Variants in CSNK1G3 observed in about 807,000 individuals in gnomAD.
CSNK1G3 encodes the protein casein kinase 1 gamma 3.
Under a neutral mutation model 64.3 loss-of-function variants are expected in CSNK1G3, and 23 were observed. The observed-to-expected ratio is 0.36, with a 90% CI of 0.26 to 0.51. CSNK1G3 has a LOEUF of 0.51. CSNK1G3 is among the 20% of genes least tolerant of loss of function. The pLI is 0.96. For synonymous variants in CSNK1G3, 158 were observed against 162.2 expected (o/e 0.97, Z 0.20); for missense variants, 357 against 510.5 (o/e 0.70, Z 2.90).
At chr5:123,583,349 T>C (rs994143329) in intron 6 of CSNK1G3, among the ~76,000 whole-genome samples, 8 of 149,394 alleles carry the variant, frequency 5.4e-5, no homozygotes, top group Admixed American at 4.7e-4. Context: ...GTTGTGAGTA[T>C]AGAAATCCAG....
chr5:123,543,263 T>C (rs1290310180), intron 1 of CSNK1G3, among the ~76,000 whole-genome samples: 2 of 152,098 alleles, frequency 1.3e-5, no homozygotes, highest in Non-Finnish European at 2.9e-5. Context: ...CAGTCTAGAG[T>C]AGGCCTTATG....
chr5:123,603,125 T>C (rs1794769760), intron 10 of CSNK1G3, among the ~76,000 whole-genome samples: 1 of 152,066 alleles, frequency 6.6e-6, no homozygotes, highest in Admixed American at 6.6e-5. Flanking sequence ...GAGCAAAGTG[T>C]CCTGAATACA....
intron 10 of CSNK1G3, among the ~76,000 whole-genome samples, chr5:123,603,820 G>C (rs1002513460): frequency 5.3e-5 from 8 of 152,176 alleles, no homozygotes; most frequent in African/African-American, 1.9e-4. Flanking sequence ...CTTCAGAGAA[G>C]ATGGTGTAAG....
At chr5:123,520,898 G>A (rs1204415846) in intron 1 of CSNK1G3, among the ~76,000 whole-genome samples, 5 of 151,944 alleles carry the variant, frequency 3.3e-5, no homozygotes, top group African/African-American at 1.2e-4. Context: ...CACCCACTGT[G>A]TGTCATGTTT....
intron 1 of CSNK1G3, among the ~76,000 whole-genome samples, chr5:123,514,925 C>T (rs1024332286): frequency 4.0e-5 from 6 of 151,626 alleles, no homozygotes; most frequent in Non-Finnish European, 4.4e-5. Flanking sequence ...ATGTACAGAT[C>T]GTAGGCTGAC....
chr5:123,605,294 C>G (rs762931318), intron 11 of CSNK1G3, 45 bp from the exon 13 acceptor site: 1 of 1,539,950 alleles, frequency 6.5e-7, no homozygotes, highest in Non-Finnish European at 8.8e-7. Flanking sequence ...GATTCTCTCT[C>G]TCTCTTTTTT....
intron 11 of CSNK1G3, among the ~76,000 whole-genome samples, chr5:123,605,128 TATCA>T (rs1288153770): frequency 2.6e-5 from 4 of 152,114 alleles, no homozygotes; most frequent in Admixed American, 6.6e-5. Context: ...ATTGATGTAC[TATCA>T]ATCTTTTTTC....
At chr5:123,581,374 T>G (rs957496319) in intron 6 of CSNK1G3, among the ~76,000 whole-genome samples, 3 of 147,150 alleles carry the variant, frequency 2.0e-5, no homozygotes, top group African/African-American at 5.0e-5. Context: ...TTTTTTTTTT[T>G]TTTTTTGGCC....
At chr5:123,533,534 A>G (rs887320707) in intron 1 of CSNK1G3, among the ~76,000 whole-genome samples, 1 of 151,256 alleles carries the variant, frequency 6.6e-6, no homozygotes, top group East Asian at 1.9e-4. Context: ...TGTCCTCCCT[A>G]TTAATTTTTA....
intron 4 of CSNK1G3, among the ~76,000 whole-genome samples, chr5:123,566,741 T>C (rs1381421430): frequency 6.6e-6 from 1 of 152,222 alleles, no homozygotes; most frequent in Non-Finnish European, 1.5e-5. Flanking sequence ...GGTGTAAATA[T>C]CATTTTAAGT....
intron 6 of CSNK1G3, among the ~76,000 whole-genome samples, chr5:123,587,453 T>A (rs772075935): frequency 6.6e-6 from 1 of 152,258 alleles, no homozygotes; most frequent in Admixed American, 6.5e-5. Flanking sequence ...TATTCACTTA[T>A]GTGCTAAATG....
chr5:123,588,778 A>G (rs1791793130), intron 8 of CSNK1G3, among the ~76,000 whole-genome samples: 3 of 152,150 alleles, frequency 2.0e-5, no homozygotes, highest in Admixed American at 6.5e-5. Context: ...TATACTTTTA[A>G]TGAGTTAAAA....
rs371677140 is a variant in CSNK1G3 at position 123,587,724 on chromosome 5, C to T, written c.674-344C>T. On this transcript the variant is annotated intron_variant, in intron 6 of 12. Transcript: ENST00000345990. ...ATTTCTCAGAAGTTTTAATACGTTA[C>T]CTTCTGAATCTTTAAGACAGAGCTG... 2.8e-3 allele frequency among the ~76,000 whole-genome samples: 421 copies of T among 152,192 alleles called. 6 individuals carry two copies. The highest frequency in any genetic ancestry group is 9.8e-3 in the African/African-American group (406 of 41,528).
intron 4 of CSNK1G3, among the ~76,000 whole-genome samples, chr5:123,561,840 A>G (rs1177192196): frequency 2.0e-5 from 3 of 152,076 alleles, no homozygotes; most frequent in African/African-American, 7.2e-5. Context: ...TTAGTTCCAC[A>G]TCTGTTCAAG....
At chr5:123,544,394 G>T (rs1317638306) in intron 1 of CSNK1G3, among the ~76,000 whole-genome samples, 1 of 151,992 alleles carries the variant, frequency 6.6e-6, no homozygotes, top group African/African-American at 2.4e-5. Flanking sequence ...GTATATTTGG[G>T]GGTTGCTGAA....
exon 8 of CSNK1G3, chr5:123,588,459 T>C (rs201734739): frequency 1.1e-5 from 17 of 1,613,018 alleles, no homozygotes; most frequent in Admixed American, 1.7e-5. Context: ...ATCAGAAAAT[T>C]GGAGATACAA....
intron 1 of CSNK1G3, among the ~76,000 whole-genome samples, chr5:123,532,428 G>A (rs1034636776): frequency 3.3e-5 from 5 of 151,770 alleles, no homozygotes; most frequent in African/African-American, 9.7e-5. Flanking sequence ...AAGTTTTTAG[G>A]ATAGATTGCT....
intron 6 of CSNK1G3, among the ~76,000 whole-genome samples, chr5:123,581,671 TTTG>T (rs1790307112): frequency 6.6e-6 from 1 of 151,502 alleles, no homozygotes. Context: ...ATAATTGTGT[TTTG>T]TTCTTTTCCT....
chr5:123,516,239 C>T, intron 1 of CSNK1G3, among the ~76,000 whole-genome samples: 1 of 152,080 alleles, frequency 6.6e-6, no homozygotes, highest in Non-Finnish European at 1.5e-5. Flanking sequence ...TTTAAGGCAC[C>T]TCAGAGCATC....
Sources: allele counts gnomAD v4.1 joint callset (sites outside exome capture counted in the v4.1 genomes callset), GRCh38; gene constraint gnomAD v4.1.1; transcripts MANE v1.5; gene names NCBI Gene and HGNC (gene_info 2026-07-23, HGNC 2026-07-21).